The following TIAL1 variants were observed in gnomAD, a reference collection of about 807,000 sequenced individuals.
The protein encoded by TIAL1 is nucleolysin TIAR.
In TIAL1, 7 loss-of-function variants were observed where a neutral mutation model predicts 59.7. That is an observed-to-expected ratio of 0.12 (90% CI 0.07 to 0.22). The LOEUF (loss-of-function observed/expected upper bound fraction) is 0.22, where lower values mean the gene tolerates loss of function less well. Ranked by LOEUF, TIAL1 falls within the 10% of genes least tolerant of loss-of-function variation. The pLI is 1.00. For synonymous variants in TIAL1, 149 were observed against 146.3 expected, an observed-to-expected ratio of 1.02 and a Z score of -0.13; for missense variants, 225 against 462.5, an observed-to-expected ratio of 0.49 and a Z score of 4.71.
chr10:119,590,762 GAGAAAGAAAGAA>G (rs60594014), intron 1 of TIAL1, among the ~76,000 whole-genome samples: 9,059 of 125,368 alleles, frequency 0.072, 334 homozygotes, highest in Middle Eastern at 0.11. Context: ...GAGAGAAAGA[GAGAAAGAAAGAA>G]AGAAAGAAAG....
chr10:119,585,538 A>G, intron 2 of TIAL1, among the ~76,000 whole-genome samples: 1 of 152,204 alleles, frequency 6.6e-6, no homozygotes. Context: ...GTCAAGACAG[A>G]GAAATATGAG....
chr10:119,579,899 G>GT, intron 6 of TIAL1, 36 bp downstream of exon 6: 1 of 1,496,222 alleles, frequency 6.7e-7, no homozygotes, highest in Non-Finnish European at 9.0e-7. Context: ...ACTAAATTTA[G>GT]TATTAAAAAA....
Position 119,575,458 on chromosome 10 carries a change from A to G in TIAL1, c.*207T>C. The G allele has an allele frequency of 2.1e-6, 1 of 470,630 alleles. No individual in the cohort carries two copies. Among genetic ancestry groups the G allele is most frequent in the Non-Finnish European group, 3.6e-6 (1 of 275,090 alleles). The allele number at this position is 470,630 out of a possible 1,614,324, so 29.2% of individuals were successfully genotyped here. On this transcript the variant is annotated 3_prime_UTR_variant, in exon 12 of 12. Transcript: ENST00000436547. Reference sequence around the variant, plus strand: ...TAGTTTTTGTACATAAAGAAAAATCATGTTCATATCCATCATGAACAAAAA... The same window carrying G: ...TAGTTTTTGTACATAAAGAAAAATCGTGTTCATATCCATCATGAACAAAAA...
chr10:119,592,142 G>GA (rs371905968), intron 1 of TIAL1: 1 of 151,954 alleles, frequency 6.6e-6, no homozygotes, highest in African/African-American at 2.4e-5. Flanking sequence ...CAAAATAACA[G>GA]AAAAAAGATA....
intron 7 of TIAL1, among the ~76,000 whole-genome samples, chr10:119,578,053 T>C (rs1437589196): frequency 3.3e-5 from 5 of 151,940 alleles, no homozygotes; most frequent in African/African-American, 1.2e-4. Context: ...GGTGAAACCC[T>C]GTCTCTACTA....
chr10:119,592,791 A>ACTCT (rs71016582), intron 1 of TIAL1, among the ~76,000 whole-genome samples: 2 of 150,602 alleles, frequency 1.3e-5, no homozygotes, highest in Non-Finnish European at 3.0e-5. Flanking sequence ...ACACACACTC[A>ACTCT]CTCTCTCTCT....
At chr10:119,592,589 C>T (rs1271211550) in intron 1 of TIAL1, among the ~76,000 whole-genome samples, 4 of 152,138 alleles carry the variant, frequency 2.6e-5, no homozygotes, top group Non-Finnish European at 5.9e-5. Context: ...AATAGTTTTG[C>T]TTTTGTTCTT....
At chr10:119,589,529 TA>T (rs1564743393) in intron 1 of TIAL1, among the ~76,000 whole-genome samples, 1 of 152,028 alleles carries the variant, frequency 6.6e-6, no homozygotes, top group Non-Finnish European at 1.5e-5. Flanking sequence ...TTAATGTAGA[TA>T]AAAAAGCTAA....
rs1475265192 is a variant in TIAL1, at chr10:119,588,262, A to G, written c.33-14T>C. The G allele has an allele frequency of 6.6e-7, 1 of 1,523,308 alleles. No individual in the cohort carries two copies. The highest frequency in any genetic ancestry group is 1.4e-5 in the African/African-American group (1 of 71,230). 94.4% of individuals were successfully genotyped at this position (1,523,308 alleles called of 1,614,324 possible). A position where few individuals can be genotyped will look rare whatever the true frequency, so the allele number is the denominator to read the frequency against. On this transcript the variant is annotated splice_polypyrimidine_tract_variant and intron_variant, in intron 1 of 11. Transcript: ENST00000436547. ...TTACCTACGTATCTGCACAAGAAAA[A>G]AATACGTTATCAGCAATTTTTCCTT...
chr10:119,582,759 C>T lies in TIAL1; in HGVS notation c.130-202G>A. On this transcript the variant is annotated intron_variant, in intron 2 of 11. Coordinates refer to ENST00000436547, the MANE Select transcript of TIAL1 (RefSeq NM_003252.4). The surrounding 1 kb of genome is among the most constrained non-coding windows in gnomAD (Gnocchi z 5.1). ...AGAATACTGCTGAACTCAAACGGAA[C>T]TATAAAAGCAGTTGTAGAATCATGA... 1.5e-6 allele frequency: 1 copy of T among 650,484 alleles called. No homozygotes were observed. Among genetic ancestry groups the T allele is most frequent in the Non-Finnish European group, 2.4e-6 (1 of 425,240 alleles). The allele number at this position is 650,484 out of a possible 1,614,324, so 40.3% of individuals were successfully genotyped here. A position where few individuals can be genotyped will look rare whatever the true frequency, so the allele number is the denominator to read the frequency against.
intron 6 of TIAL1, 55 bp from the exon 7 acceptor site, chr10:119,578,889 T>A (rs4752334): frequency 1 from 1,325,925 of 1,327,068 alleles, 662,402 homozygotes; most frequent in East Asian, 1. Context: ...AATAAGACTC[T>A]GTAAGATGAA....
rs1845326760 is a variant in TIAL1 at position 119,581,910 on chromosome 10, T to A, written c.371+12A>T. 1 of 1,598,236 alleles carries A rather than the reference T, an allele frequency of 6.3e-7. No individual in the cohort carries two copies. Among genetic ancestry groups the A allele is most frequent in the Non-Finnish European group, 8.6e-7 (1 of 1,165,800 alleles). The stretch of plus-strand genomic sequence containing the variant: ...TATCATGACTGAGTGTAGTACTGAT[T>A]ATGATACTTACGATATTTTACCAAA... On this transcript the variant is annotated intron_variant, in intron 5 of 11. Coordinates refer to ENST00000436547, the MANE Select transcript of TIAL1 (RefSeq NM_003252.4).
chr10:119,582,416 C>G lies in TIAL1; in HGVS notation c.228+43G>C, dbSNP rs370856620. 1 of 1,538,954 alleles carries G rather than the reference C, an allele frequency of 6.5e-7. No individual in the cohort carries two copies. Among genetic ancestry groups the G allele is most frequent in the African/African-American group, 1.4e-5 (1 of 71,924 alleles). On this transcript the variant is annotated intron_variant, in intron 3 of 11. Transcript: ENST00000436547. This position sits in a 1 kb window ranked among gnomAD's most constrained non-coding sequence, Gnocchi z 5.1. ...AAAGAATACAAACTAGTTTGACATG[C>G]AAATATATGTACTCATAAGGTGCCA...
intron 1 of TIAL1, chr10:119,592,181 C>T (rs1277565321): frequency 6.6e-6 from 1 of 152,076 alleles, no homozygotes; most frequent in Non-Finnish European, 1.5e-5. Flanking sequence ...ATTGAGAGGT[C>T]AATTCAAAGA....
chr10:119,585,773 C>A (rs1003671601), intron 2 of TIAL1, among the ~76,000 whole-genome samples: 31 of 152,278 alleles, frequency 2.0e-4, no homozygotes, highest in African/African-American at 7.5e-4. Flanking sequence ...GCTAACCATG[C>A]CACTGAAACT....
Position 119,584,715 on chromosome 10 carries a change from G to A in TIAL1, c.130-2158C>T, listed in dbSNP as rs936700670. ...GTGGTGGCGGGCGCCTGTAATCCCA[G>A]CTACTCAGGAGGCTGAGGCAGGAGA... On this transcript the variant is annotated intron_variant, in intron 2 of 11. Transcript: ENST00000436547. 2.0e-5 allele frequency among the ~76,000 whole-genome samples: 3 copies of A among 152,262 alleles called. No individual in the cohort carries two copies. In the East Asian group the frequency reaches 5.8e-4, roughly 29 times the overall value.
At chr10:119,583,302 C>G (rs1250535783) in intron 2 of TIAL1, among the ~76,000 whole-genome samples, 1 of 152,036 alleles carries the variant, frequency 6.6e-6, no homozygotes, top group Non-Finnish European at 1.5e-5. Context: ...CAAGACAAAG[C>G]TATAAGTTTA....
At chr10:119,575,922 A>G in intron 11 of TIAL1, 131 bp from the exon 12 acceptor site, 1 of 840,698 alleles carries the variant, frequency 1.2e-6, no homozygotes, top group East Asian at 3.0e-5. Flanking sequence ...AACAAATAGA[A>G]AGATCAAAGA....
intron 1 of TIAL1, among the ~76,000 whole-genome samples, chr10:119,590,624 C>T (rs1845801326): frequency 6.6e-6 from 1 of 151,902 alleles, no homozygotes. Context: ...GCAGGAGAAT[C>T]GCTTGAACCT....
Sources: allele counts gnomAD v4.1 joint callset (sites outside exome capture counted in the v4.1 genomes callset), GRCh38; gene constraint gnomAD v4.1.1; non-coding constraint Gnocchi (gnomAD v3.1); transcripts MANE v1.5; gene names NCBI Gene and HGNC (gene_info 2026-07-23, HGNC 2026-07-21).